The following REV3L variants were observed in gnomAD, a reference collection of about 807,000 sequenced individuals.
REV3L encodes REV3 like, DNA directed polymerase zeta catalytic subunit, also known as DNA polymerase zeta catalytic subunit.
REV3L carries 69 observed loss-of-function variants against 299.4 expected under a neutral mutation model. The ratio of observed to expected loss-of-function variants is 0.23; its 90% confidence interval spans 0.19 to 0.28. The LOEUF is 0.28. Among genes scored for constraint, REV3L ranks in the 10% least tolerant of loss-of-function variants. REV3L has a pLI of 1.00. For synonymous variants in REV3L, 1,238 were observed against 1,271.4 expected (o/e 0.97, Z 0.56); for missense variants, 3,128 against 3,693.8 (o/e 0.85, Z 3.97).
At chr6:111,409,541 G>T (rs904235241) in intron 3 of REV3L, among the ~76,000 whole-genome samples, 1 of 152,032 alleles carries the variant, frequency 6.6e-6, no homozygotes, top group Non-Finnish European at 1.5e-5. Flanking sequence ...ATAATAAAGA[G>T]AATTCTGACC....
chr6:111,345,284 G>A (rs1225838141), intron 20 of REV3L, among the ~76,000 whole-genome samples: 5 of 152,116 alleles, frequency 3.3e-5, no homozygotes, highest in Non-Finnish European at 5.9e-5. Context: ...AGAACAGAAT[G>A]TTAATATATA....
chr6:111,358,846 T>C lies in REV3L; in HGVS notation c.7048A>G (p.Lys2350Glu). 2 of 1,612,326 alleles carry C rather than the reference T, an allele frequency of 1.2e-6. No individual in the cohort carries two copies. Among genetic ancestry groups the C allele is most frequent in the Non-Finnish European group, 1.7e-6 (2 of 1,178,890 alleles). ...TELTGVIVID[K>E]DKTVFSQDIR... Reference sequence around the variant, plus strand: ...CCTTGACTGAAAACTGTCTTGTCTTTATCAATCACTATTACACCTGTGAGT... The same window carrying C: ...CCTTGACTGAAAACTGTCTTGTCTTCATCAATCACTATTACACCTGTGAGT... The change falls in exon 17 of 32, where the codon AAA becomes GAA. Residue 2350 changes from lysine to glutamate, a missense_variant. Lys to Glu is a moderately conservative substitution (Grantham distance 56, BLOSUM62 1). Around this residue, in one of 9 missense-constraint regions of REV3L, gnomAD observed 82 missense variants for 142.7 expected, o/e 0.57. Coordinates refer to ENST00000368802, the MANE Select transcript of REV3L (RefSeq NM_001372078.1).
intron 1 of REV3L, among the ~76,000 whole-genome samples, chr6:111,449,990 TTAAA>T (rs1223006836): frequency 2.6e-5 from 4 of 152,120 alleles, no homozygotes; most frequent in East Asian, 1.9e-4. Flanking sequence ...CCTGAATATA[TTAAA>T]TAGAGATGTG....
rs757614934 is a variant in REV3L at position 111,343,963 on chromosome 6, G to A, written c.7500C>T (p.Val2500=). The change falls in exon 21 of 32, where the codon GTC becomes GTT. Residue 2500 remains valine (V), a synonymous_variant. Coordinates refer to ENST00000368802, the MANE Select transcript of REV3L (RefSeq NM_001372078.1). The part of the protein sequence containing the change: ...HQRFPLFTFR[V]LSDWFDNKTD... ...TCTTGTTATCAAACCAGTCTGACAA[G>A]ACTCGAAAGGTAAAGAGGGGAAAAC... is the stretch of plus-strand genomic sequence containing the variant. The A allele has an allele frequency of 6.2e-7, 1 of 1,613,068 alleles. No individual in the cohort carries two copies.
intron 19 of REV3L, among the ~76,000 whole-genome samples, chr6:111,350,475 A>G (rs1777470215): frequency 6.6e-6 from 1 of 151,606 alleles, no homozygotes; most frequent in Non-Finnish European, 1.5e-5. Flanking sequence ...CAAAAAAGAT[A>G]TTGAAAAAAA....
At chr6:111,320,439 T>C (rs893705509) in intron 26 of REV3L, among the ~76,000 whole-genome samples, 4 of 152,136 alleles carry the variant, frequency 2.6e-5, no homozygotes, top group African/African-American at 4.8e-5. Flanking sequence ...TTATCATTAT[T>C]GTCCTTCCAA....
chr6:111,325,899 A>G (rs1437477866), intron 25 of REV3L, among the ~76,000 whole-genome samples: 1 of 152,168 alleles, frequency 6.6e-6, no homozygotes, highest in African/African-American at 2.4e-5. Context: ...TGTACTCATT[A>G]ATCATTTCTA....
At chr6:111,386,992 G>A (rs60405182) in intron 9 of REV3L, among the ~76,000 whole-genome samples, 2 of 152,106 alleles carry the variant, frequency 1.3e-5, no homozygotes, top group Admixed American at 1.3e-4. Flanking sequence ...AAATTGCTGA[G>A]ATTACAGGCA....
rs1278589756 is a variant in REV3L at position 111,299,297 on chromosome 6, T to TTTTA, written c.*715_*718dup. 1.3e-5 allele frequency: 2 copies of TTTTA among 152,562 alleles called. No homozygotes were observed. The highest frequency in any genetic ancestry group is 3.8e-4 in the East Asian group (2 of 5,204). 9.5% of individuals were successfully genotyped at this position (152,562 alleles called of 1,614,324 possible). A position where few individuals can be genotyped will look rare whatever the true frequency, so the allele number is the denominator to read the frequency against. ...CAAAACAAGCAAATGGAATAAAATTTTTTATTTTTAAAGTATTGCAACAGG... is the reference window on the plus strand; with the variant it reads ...CAAAACAAGCAAATGGAATAAAATTTTTTATTTATTTTTAAAGTATTGCAACAGG... On this transcript the variant is annotated 3_prime_UTR_variant, in exon 32 of 32. Coordinates refer to ENST00000368802, the MANE Select transcript of REV3L (RefSeq NM_001372078.1).
Position 111,313,495 on chromosome 6 carries a change from G to A in REV3L, c.8467-6C>T. The A allele has an allele frequency of 6.3e-7, 1 of 1,588,038 alleles. No homozygotes were observed. On this transcript the variant is annotated splice_polypyrimidine_tract_variant and splice_region_variant and intron_variant, in intron 27 of 31. Coordinates refer to ENST00000368802, the MANE Select transcript of REV3L (RefSeq NM_001372078.1). ...AAAACACAGGGCAAATATACCTGTG[G>A]TAAAATTAATAAAATGCCTCTTAAA...
rs781103784 is a variant in REV3L at position 111,331,817 on chromosome 6, C to A, written c.7926-33G>T. 4 of 1,321,564 alleles carry A rather than the reference C, an allele frequency of 3.0e-6. 1 individual carries two copies. In the East Asian group the frequency reaches 9.3e-5, roughly 31 times the overall value. 81.9% of individuals were successfully genotyped at this position (1,321,564 alleles called of 1,614,324 possible). ...GAAAGAGAACATTAAGCAAATACTT[C>A]CTCAAATCATAGAACAGAGATTTTA... On this transcript the variant is annotated intron_variant, in intron 23 of 31. Transcript: ENST00000368802.
At chr6:111,384,635 A>G (rs1184633324) in intron 9 of REV3L, among the ~76,000 whole-genome samples, 4 of 152,232 alleles carry the variant, frequency 2.6e-5, no homozygotes, top group Non-Finnish European at 5.9e-5. Context: ...ACTCTCGTAC[A>G]CTGTTGGTAG....
intron 1 of REV3L, among the ~76,000 whole-genome samples, chr6:111,448,444 T>A (rs1789118339): frequency 6.6e-6 from 1 of 151,932 alleles, no homozygotes. Flanking sequence ...GCTCAGATGA[T>A]CCACCTCAGC....
At chr6:111,477,269 G>A (rs899581829) in intron 1 of REV3L, among the ~76,000 whole-genome samples, 17 of 152,114 alleles carry the variant, frequency 1.1e-4, no homozygotes, top group Admixed American at 2.0e-4. Flanking sequence ...ATTAATAGAC[G>A]AGTTTCAAGC....
At chr6:111,460,192 CACTT>C (rs1252538869) in intron 1 of REV3L, 1 of 152,020 alleles carries the variant, frequency 6.6e-6, no homozygotes, top group Non-Finnish European at 1.5e-5. Flanking sequence ...CCCATGTTCT[CACTT>C]ACAAGTGGCA....
intron 23 of REV3L, among the ~76,000 whole-genome samples, chr6:111,332,884 GC>G (rs1355882657): frequency 6.6e-6 from 1 of 152,168 alleles, no homozygotes; most frequent in Non-Finnish European, 1.5e-5. Context: ...TGAAACAGTT[GC>G]AAGGCTGACC....
chr6:111,483,533 CG>C (rs1305589899), upstream of REV3L: 1 of 504,062 alleles, frequency 2.0e-6, no homozygotes. Flanking sequence ...GGGAGGGGGG[CG>C]CCAGTGTTCG....
In REV3L at chr6:111,443,835, C is replaced by T. The variant is rs114955964; in HGVS notation, c.140-27363G>A. 2.7e-3 allele frequency among the ~76,000 whole-genome samples: 407 copies of T among 152,310 alleles called. 2 individuals carry two copies. Among genetic ancestry groups the T allele is most frequent in the African/African-American group, 9.4e-3 (392 of 41,578 alleles). ...CCATAGGCTGTTCATTTATTCATTT[C>T]ATGAAGGAATTTAGAAAAGATGCTA... On this transcript the variant is annotated intron_variant, in intron 1 of 31. Transcript: ENST00000368802.
intron 5 of REV3L, among the ~76,000 whole-genome samples, chr6:111,390,992 A>C (rs1158939210): frequency 6.6e-6 from 1 of 152,072 alleles, no homozygotes; most frequent in Non-Finnish European, 1.5e-5. Context: ...CAAGTGGAAA[A>C]GGGGAGATCC....
Sources: allele counts gnomAD v4.1 joint callset (sites outside exome capture counted in the v4.1 genomes callset), GRCh38; gene constraint gnomAD v4.1.1; regional missense constraint gnomAD v4.1.1; transcripts MANE v1.5; gene names NCBI Gene and HGNC (gene_info 2026-07-23, HGNC 2026-07-21).